Variants in BLVRA observed in about 807,000 individuals in gnomAD.
BLVRA encodes the protein biliverdin reductase A.
A neutral mutation model predicts 32.8 loss-of-function variants in BLVRA; 22 were observed. The ratio of observed to expected loss-of-function variants is 0.67; its 90% CI spans 0.48 to 0.96. The LOEUF (loss-of-function observed/expected upper bound fraction) is 0.96. Among genes scored for constraint, BLVRA ranks in the 40% least tolerant of loss-of-function variants. The pLI, the probability that BLVRA is intolerant of heterozygous loss-of-function variation, is 0.00. For missense variants in BLVRA, 323 were observed against 358.1 expected, an observed-to-expected ratio of 0.90 and a Z score of 0.79; for synonymous variants, 119 against 141.3, an observed-to-expected ratio of 0.84 and a Z score of 1.12.
intron 1 of BLVRA, among the ~76,000 whole-genome samples, chr7:43,765,490 G>C (rs1750398058): frequency 2.0e-5 from 3 of 152,138 alleles, no homozygotes; most frequent in African/African-American, 4.8e-5. Flanking sequence ...GGCCTCAAGT[G>C]ATCCGCCCGC....
chr7:43,771,413 C>T (rs1425152354), intron 2 of BLVRA, among the ~76,000 whole-genome samples: 2 of 152,236 alleles, frequency 1.3e-5, no homozygotes, highest in Non-Finnish European at 2.9e-5. Flanking sequence ...TGAAACAACA[C>T]TCCCTAGCTC....
intron 2 of BLVRA, among the ~76,000 whole-genome samples, chr7:43,771,484 AAC>A (rs1257559846): frequency 6.6e-6 from 1 of 152,162 alleles, no homozygotes; most frequent in African/African-American, 2.4e-5. Flanking sequence ...TTATTCTGGA[AAC>A]ACTTTCTCTG....
intron 2 of BLVRA, among the ~76,000 whole-genome samples, chr7:43,779,451 C>G (rs1056331944): frequency 1.3e-5 from 2 of 152,210 alleles, no homozygotes; most frequent in Non-Finnish European, 2.9e-5. Context: ...CAATGATGAT[C>G]TCTGTAAATT....
chr7:43,793,655 G>C (rs1252009359), intron 5 of BLVRA, among the ~76,000 whole-genome samples: 1 of 137,652 alleles, frequency 7.3e-6, no homozygotes, highest in Non-Finnish European at 1.5e-5. Flanking sequence ...ACAGAGTCTT[G>C]CTGTGTCACC....
intron 5 of BLVRA, among the ~76,000 whole-genome samples, chr7:43,793,212 G>A (rs574461961): frequency 6.6e-6 from 1 of 152,006 alleles, no homozygotes; most frequent in South Asian, 2.1e-4. Context: ...TTCTAAACAG[G>A]AATAACCATT....
In BLVRA at chr7:43,787,012, T is replaced by A. The variant is rs2095778534; in HGVS notation, c.13-892T>A. ...ATCTTGGGTCACTGCAATCTCCGCC[T>A]CCCAGGTTCAAGCAATTCTCCTGCC... On this transcript the variant is annotated intron_variant, in intron 2 of 7. Coordinates refer to ENST00000265523, the MANE Select transcript of BLVRA (RefSeq NM_000712.4). This position sits in a 1 kb window ranked among gnomAD's most constrained non-coding sequence, Gnocchi z 4.5. Among the ~76,000 whole-genome samples the A allele has an allele frequency of 1.3e-5, 2 of 152,072 alleles. No individual in the cohort carries two copies. Among genetic ancestry groups the A allele is most frequent in the South Asian group, 4.1e-4 (2 of 4,826 alleles).
intron 3 of BLVRA, among the ~76,000 whole-genome samples, chr7:43,789,676 C>T (rs1433132974): frequency 7.2e-6 from 1 of 138,968 alleles, no homozygotes; most frequent in Non-Finnish European, 1.6e-5. Flanking sequence ...GGAGGATGGC[C>T]AGGTCACACC....
chr7:43,798,087 G>C (rs1210975235), intron 5 of BLVRA, among the ~76,000 whole-genome samples: 1 of 150,710 alleles, frequency 6.6e-6, no homozygotes, highest in Admixed American at 6.7e-5. Context: ...CCAGCTACTC[G>C]GGAGGCTGAG....
intron 2 of BLVRA, among the ~76,000 whole-genome samples, chr7:43,785,317 G>T: frequency 6.9e-6 from 1 of 144,302 alleles, no homozygotes. Context: ...CTGCTTTTTG[G>T]TAATTAGAAA....
At chr7:43,771,764 G>A (rs1464956169) in intron 2 of BLVRA, among the ~76,000 whole-genome samples, 1 of 152,150 alleles carries the variant, frequency 6.6e-6, no homozygotes, top group Admixed American at 6.5e-5. Flanking sequence ...GCACAGCCTT[G>A]TGCTGTTTGC....
At chr7:43,761,939 A>G (rs528071901) in intron 1 of BLVRA, among the ~76,000 whole-genome samples, 6 of 152,170 alleles carry the variant, frequency 3.9e-5, no homozygotes, top group Non-Finnish European at 8.8e-5. Context: ...TATTTTTCTC[A>G]ATAGATCCCA....
At chr7:43,758,609 G>C (rs1019038326), upstream of BLVRA, 1 of 155,088 alleles carries the variant, frequency 6.4e-6, no homozygotes, top group Non-Finnish European at 1.4e-5. Flanking sequence ...GTCCCCTCCC[G>C]GTCTCCGCCA....
Position 43,806,893 on chromosome 7 carries a change from T to C in BLVRA, c.633-84T>C, listed in dbSNP as rs187857536. ...GGATGGGTGCCTGACAAGGACATGT[T>C]ACCAGGCGGTCTGGTGCCAGCAAGC... is the stretch of plus-strand genomic sequence containing the variant. On this transcript the variant is annotated intron_variant, in intron 7 of 7. Transcript: ENST00000265523. The C allele has an allele frequency of 5.1e-5, 78 of 1,526,046 alleles. 1 individual carries two copies. In the East Asian group the frequency reaches 1.7e-3, roughly 34 times the overall value. The allele number at this position is 1,526,046 out of a possible 1,614,324, so 94.5% of individuals were successfully genotyped here. A position where few individuals can be genotyped will look rare whatever the true frequency, so the allele number is the denominator to read the frequency against.
chr7:43,802,555 T>C (rs1204290790), intron 6 of BLVRA, among the ~76,000 whole-genome samples: 1 of 152,098 alleles, frequency 6.6e-6, no homozygotes, highest in Non-Finnish European at 1.5e-5. Flanking sequence ...TGGAATGCAG[T>C]GGTACAATTA....
chr7:43,799,839 T>C (rs2095796759), intron 5 of BLVRA, among the ~76,000 whole-genome samples: 1 of 152,178 alleles, frequency 6.6e-6, no homozygotes, highest in Non-Finnish European at 1.5e-5. Flanking sequence ...TAGCTAACTG[T>C]CTCCTGGCCC....
Position 43,792,775 on chromosome 7 carries a change from G to A in BLVRA, c.315G>A (p.Ala105=), listed in dbSNP as rs759725746. Residue 105 remains alanine, a synonymous_variant, in exon 5 of 8, where the codon GCG becomes GCA. Coordinates refer to ENST00000265523, the MANE Select transcript of BLVRA (RefSeq NM_000712.4). ...LVEYPMTLSL[A]AAQELWELAE... ...AATACCCCATGACACTGTCATTGGCGGCCGCTCAGGAACTGTGGGAGCTGG... is the reference window on the plus strand; with the variant it reads ...AATACCCCATGACACTGTCATTGGCAGCCGCTCAGGAACTGTGGGAGCTGG... The A allele has an allele frequency of 2.9e-5, 46 of 1,614,024 alleles. 1 individual carries two copies. In the South Asian group the frequency reaches 4.1e-4, roughly 14 times the overall value.
At chr7:43,774,833 T>C (rs994126991) in intron 2 of BLVRA, among the ~76,000 whole-genome samples, 5 of 152,204 alleles carry the variant, frequency 3.3e-5, no homozygotes, top group Admixed American at 2.0e-4. Context: ...GGTTTGTAGT[T>C]CTCTTTGAAG....
chr7:43,772,369 C>G (rs950641086), intron 2 of BLVRA, among the ~76,000 whole-genome samples: 7 of 152,206 alleles, frequency 4.6e-5, no homozygotes, highest in African/African-American at 1.7e-4. Flanking sequence ...GAAGCCCCAT[C>G]AAATGTCTCC....
Position 43,771,157 on chromosome 7 carries a change from A to C in BLVRA, c.-2A>C. ...TTACAGTGACCGAAGGAAGAGACCA[A>C]GATGAATGCAGAGGTGAGTTCTTTA... On this transcript the variant is annotated 5_prime_UTR_variant, in exon 2 of 8. Transcript: ENST00000265523. 6.2e-7 allele frequency: 1 copy of C among 1,614,054 alleles called. No individual in the cohort carries two copies. The highest frequency in any genetic ancestry group is 1.1e-5 in the South Asian group (1 of 91,084).
Sources: gnomAD v4.1 joint callset for allele counts (sites outside exome capture counted in the v4.1 genomes callset) on GRCh38, gnomAD v4.1.1 for gene constraint, Gnocchi (gnomAD v3.1) non-coding constraint, MANE v1.5 for transcripts, NCBI Gene and HGNC (gene_info 2026-07-23, HGNC 2026-07-21) for gene names.